Variants in DIP2B observed in about 807,000 individuals in gnomAD.
The protein encoded by DIP2B is disco-interacting protein 2 homolog B.
Under a neutral mutation model 198.0 loss-of-function variants are expected in DIP2B, and 76 were observed. That is an observed-to-expected ratio of 0.38 (90% CI 0.32 to 0.46). The LOEUF (loss-of-function observed/expected upper bound fraction) is 0.46, where lower values mean the gene tolerates loss of function less well. Ranked by LOEUF, DIP2B falls within the 20% of genes least tolerant of loss-of-function variation. The probability of loss-of-function intolerance (pLI) is 0.99; values close to 1 mark genes in which losing one functional copy is unlikely to be tolerated. For missense variants in DIP2B, 1,559 were observed against 1,978.4 expected (o/e 0.79, Z 4.02); for synonymous variants, 701 against 739.1 (o/e 0.95, Z 0.84).
chr12:50,526,563 G>A (rs1478328246), intron 1 of DIP2B, among the ~76,000 whole-genome samples: 1 of 151,188 alleles, frequency 6.6e-6, no homozygotes, highest in African/African-American at 2.4e-5. Flanking sequence ...CCCTGAACAG[G>A]AGGCAGACAC....
rs192074515 is a variant in DIP2B, at chr12:50,580,900, A to G, written c.101-45076A>G. On this transcript the variant is annotated intron_variant, in intron 1 of 37. Coordinates refer to ENST00000301180, the MANE Select transcript of DIP2B (RefSeq NM_173602.3). ...CCATCAACAAAGAATTATCTAGCCCAAAATGTCAACAATGCCAGCCTTGAA... is the reference window on the plus strand; with the variant it reads ...CCATCAACAAAGAATTATCTAGCCCGAAATGTCAACAATGCCAGCCTTGAA... Among the ~76,000 whole-genome samples, 72 of 149,436 alleles carry G rather than the reference A, an allele frequency of 4.8e-4. 2 individuals carry two copies. The highest frequency in any genetic ancestry group is 8.8e-5 in the Non-Finnish European group (6 of 67,912).
intron 1 of DIP2B, among the ~76,000 whole-genome samples, chr12:50,508,451 G>A (rs1262814167): frequency 6.6e-6 from 1 of 152,142 alleles, no homozygotes; most frequent in Non-Finnish European, 1.5e-5. Context: ...TTTGTGTAAT[G>A]ATCTTTTTGT....
intron 2 of DIP2B, among the ~76,000 whole-genome samples, chr12:50,638,731 A>G (rs1475695581): frequency 1.3e-5 from 2 of 152,082 alleles, no homozygotes; most frequent in African/African-American, 4.8e-5. Context: ...CCCAGCTGAC[A>G]TTACATATGC....
intron 28 of DIP2B, among the ~76,000 whole-genome samples, chr12:50,725,723 T>C (rs1592144207): frequency 6.6e-6 from 1 of 152,222 alleles, no homozygotes; most frequent in African/African-American, 2.4e-5. Context: ...AATAACCCTG[T>C]AAGTTGCTAT....
chr12:50,678,417 G>T (rs866429232), intron 7 of DIP2B, among the ~76,000 whole-genome samples: 2 of 152,116 alleles, frequency 1.3e-5, no homozygotes, highest in Non-Finnish European at 2.9e-5. Context: ...TGTATATTTT[G>T]TGCTATTCTA....
At chr12:50,696,770 G>A (rs1274358893) in intron 16 of DIP2B, among the ~76,000 whole-genome samples, 3 of 152,160 alleles carry the variant, frequency 2.0e-5, no homozygotes, top group African/African-American at 7.2e-5. Flanking sequence ...GCTGCATATT[G>A]CCTGCAGTGT....
At chr12:50,534,021 C>A (rs1258897840) in intron 1 of DIP2B, among the ~76,000 whole-genome samples, 2 of 152,148 alleles carry the variant, frequency 1.3e-5, no homozygotes, top group African/African-American at 4.8e-5. Flanking sequence ...AATTAGAATT[C>A]ATCAATACTT....
chr12:50,696,115 T>C, intron 16 of DIP2B, 148 bp downstream of exon 16: 1 of 1,261,470 alleles, frequency 7.9e-7, no homozygotes. Context: ...TCACGAGTTG[T>C]GTAACCATCA....
intron 1 of DIP2B, among the ~76,000 whole-genome samples, chr12:50,619,502 A>G (rs563957335): frequency 6.6e-6 from 1 of 152,260 alleles, no homozygotes; most frequent in South Asian, 2.1e-4. Context: ...TTCCCTACTC[A>G]GGCCAAGATC....
At chr12:50,554,585 G>A (rs1958453367) in intron 1 of DIP2B, among the ~76,000 whole-genome samples, 1 of 152,150 alleles carries the variant, frequency 6.6e-6, no homozygotes, top group Non-Finnish European at 1.5e-5. Flanking sequence ...GGCTTAGATG[G>A]ATTGGTCACT....
intron 1 of DIP2B, among the ~76,000 whole-genome samples, chr12:50,558,569 G>A (rs1958491014): frequency 6.6e-6 from 1 of 152,148 alleles, no homozygotes; most frequent in African/African-American, 2.4e-5. Flanking sequence ...AGCAAAAAGT[G>A]GAAATGAAAA....
intron 1 of DIP2B, among the ~76,000 whole-genome samples, chr12:50,548,329 T>A (rs1958394978): frequency 6.6e-6 from 1 of 152,050 alleles, no homozygotes; most frequent in Non-Finnish European, 1.5e-5. Context: ...GAGATAAGGA[T>A]CCAGCTAGCT....
At chr12:50,554,209 C>T (rs1958449861) in intron 1 of DIP2B, among the ~76,000 whole-genome samples, 2 of 152,060 alleles carry the variant, frequency 1.3e-5, no homozygotes, top group African/African-American at 2.4e-5. Flanking sequence ...ATTTTCAGTA[C>T]TTTTGCATCA....
intron 2 of DIP2B, among the ~76,000 whole-genome samples, chr12:50,639,901 G>C (rs1374730796): frequency 6.6e-6 from 1 of 152,198 alleles, no homozygotes; most frequent in African/African-American, 2.4e-5. Context: ...TAAAAGCAGA[G>C]AGTAGAATGG....
chr12:50,591,952 A>G (rs1025488457), intron 1 of DIP2B, among the ~76,000 whole-genome samples: 41 of 149,402 alleles, frequency 2.7e-4, no homozygotes, highest in African/African-American at 7.9e-4. Flanking sequence ...ATCTTGGCTC[A>G]CTGTAACCTC....
chr12:50,533,086 A>G (rs1008566844), intron 1 of DIP2B, among the ~76,000 whole-genome samples: 1 of 152,252 alleles, frequency 6.6e-6, no homozygotes, highest in African/African-American at 2.4e-5. Flanking sequence ...ACAGTGAGTC[A>G]TAAAGAACAA....
intron 37 of DIP2B, chr12:50,743,632 C>T (rs1940295734): frequency 6.6e-6 from 1 of 152,208 alleles, no homozygotes; most frequent in African/African-American, 2.4e-5. Flanking sequence ...ATCAATCAAA[C>T]TATTCGTTCT....
At chr12:50,705,715 A>G (rs1350630307) in intron 20 of DIP2B, among the ~76,000 whole-genome samples, 1 of 152,214 alleles carries the variant, frequency 6.6e-6, no homozygotes, top group Non-Finnish European at 1.5e-5. Context: ...TTTGTTGGAA[A>G]TGGCTGCTTT....
intron 8 of DIP2B, chr12:50,679,745 C>G (rs1211540604): frequency 6.6e-6 from 1 of 152,120 alleles, no homozygotes; most frequent in Non-Finnish European, 1.5e-5. Flanking sequence ...ATTTAGCTGG[C>G]CAAATCTTTG....
Sources: gnomAD v4.1 joint callset for allele counts (sites outside exome capture counted in the v4.1 genomes callset) on GRCh38, gnomAD v4.1.1 for gene constraint, MANE v1.5 for transcripts, NCBI Gene and HGNC (gene_info 2026-07-23, HGNC 2026-07-21) for gene names.